AQR: variants seen among roughly 807,000 people sequenced by gnomAD.
AQR encodes the protein RNA helicase aquarius.
AQR carries 61 observed loss-of-function variants against 180.5 expected under a neutral mutation model. That is an observed-to-expected ratio of 0.34 (90% CI 0.28 to 0.42). The LOEUF (loss-of-function observed/expected upper bound fraction) is 0.42. Ranked by LOEUF, AQR falls within the 10% of genes least tolerant of loss-of-function variation. AQR has a pLI of 1.00. For synonymous variants in AQR, 551 were observed against 588.8 expected (o/e 0.94, Z 0.93); for missense variants, 1,281 against 1,798.3 (o/e 0.71, Z 5.20).
intron 1 of AQR, among the ~76,000 whole-genome samples, chr15:34,969,225 C>T (rs571539916): frequency 6.6e-6 from 1 of 152,260 alleles, no homozygotes; most frequent in African/African-American, 2.4e-5. Flanking sequence ...TGGGGTGTTC[C>T]CTCCTCTCTG....
chr15:34,875,861 T>A lies in AQR; in HGVS notation c.3237+74A>T. 3 of 1,196,818 alleles carry A rather than the reference T, an allele frequency of 2.5e-6. No homozygotes were observed. The South Asian group carries it at 3.8e-5, about 15-fold the overall frequency. The allele number at this position is 1,196,818 out of a possible 1,614,324, so 74.1% of individuals were successfully genotyped here. A position where few individuals can be genotyped will look rare whatever the true frequency, so the allele number is the denominator to read the frequency against. On this transcript the variant is annotated intron_variant, in intron 28 of 34. Transcript: ENST00000156471. ...ACTATGGCAATCAGCACACCCAAAC[T>A]GTACAACTTTCTGATGCTGTCCTCA...
At chr15:34,957,889 G>C (rs1416497362) in intron 3 of AQR, among the ~76,000 whole-genome samples, 1 of 151,936 alleles carries the variant, frequency 6.6e-6, no homozygotes, top group Admixed American at 6.6e-5. Flanking sequence ...CCATGCCAAA[G>C]ACAGCTACTT....
intron 15 of AQR, among the ~76,000 whole-genome samples, chr15:34,916,404 C>T (rs1270689027): frequency 6.6e-6 from 1 of 151,614 alleles, no homozygotes; most frequent in Admixed American, 6.6e-5. Flanking sequence ...ACACATTTTA[C>T]TGATAAGTCA....
intron 1 of AQR, among the ~76,000 whole-genome samples, chr15:34,968,928 T>C (rs934553805): frequency 1.3e-5 from 2 of 152,144 alleles, no homozygotes; most frequent in South Asian, 2.1e-4. Flanking sequence ...AATTCACAAA[T>C]AAATAATAAG....
intron 34 of AQR, 114 bp from the exon 35 acceptor site, chr15:34,857,220 C>G (rs992502496): frequency 4.4e-6 from 4 of 918,778 alleles, no homozygotes; most frequent in Non-Finnish European, 6.3e-6. Context: ...ATTTTATACT[C>G]CAGATGTAAC....
At chr15:34,959,598 C>A (rs1275041340) in intron 3 of AQR, among the ~76,000 whole-genome samples, 1 of 152,180 alleles carries the variant, frequency 6.6e-6, no homozygotes, top group Non-Finnish European at 1.5e-5. Context: ...CAATCCTACC[C>A]CCAACAACGT....
intron 9 of AQR, among the ~76,000 whole-genome samples, chr15:34,935,856 C>A (rs188579730): frequency 9.2e-5 from 14 of 152,266 alleles, no homozygotes; most frequent in Admixed American, 7.8e-4. Context: ...AAATTAAATC[C>A]ATTCGAACCA....
At chr15:34,941,069 A>G in intron 7 of AQR, 70 bp from the exon 8 acceptor site, 1 of 1,088,482 alleles carries the variant, frequency 9.2e-7, no homozygotes, top group African/African-American at 1.6e-5. Flanking sequence ...TAGATCAACT[A>G]TTTGCTAGTT....
At chr15:34,946,903 C>A (rs1267230271) in intron 5 of AQR, among the ~76,000 whole-genome samples, 46 of 142,212 alleles carry the variant, frequency 3.2e-4, no homozygotes, top group Middle Eastern at 8.5e-3. Flanking sequence ...GTCAGCCCCC[C>A]GTCCGGCCAG....
Position 34,910,319 on chromosome 15 carries a change from A to G in AQR, c.1485-6T>C, listed in dbSNP as rs1468735834. On this transcript the variant is annotated splice_polypyrimidine_tract_variant and splice_region_variant and intron_variant, in intron 16 of 34. Transcript: ENST00000156471. ...CACCGCCATATTCAGATTGCCTGAA[A>G]CCAAAGAAATGGATGATTACTCAAA... The G allele has an allele frequency of 2.5e-6, 4 of 1,610,188 alleles. No homozygotes were observed. Among genetic ancestry groups the G allele is most frequent in the Non-Finnish European group, 3.4e-6 (4 of 1,177,104 alleles).
intron 10 of AQR, among the ~76,000 whole-genome samples, chr15:34,934,059 G>A (rs975215371): frequency 6.6e-5 from 10 of 151,992 alleles, no homozygotes; most frequent in South Asian, 2.1e-4. Flanking sequence ...CCTGGGAGGC[G>A]GAGGCTGCAG....
intron 33 of AQR, among the ~76,000 whole-genome samples, chr15:34,860,425 C>CT (rs1892653462): frequency 6.6e-6 from 1 of 151,352 alleles, no homozygotes; most frequent in African/African-American, 2.4e-5. Flanking sequence ...AAAAAAAAGA[C>CT]TTCATGAAGA....
intron 4 of AQR, among the ~76,000 whole-genome samples, chr15:34,949,972 T>TAA (rs374857238): frequency 0.042 from 5,494 of 131,332 alleles, 142 homozygotes; most frequent in African/African-American, 0.076. Flanking sequence ...TCTCCAAAAC[T>TAA]AAAAAAAAAA....
chr15:34,889,319 T>A (rs990273515), intron 24 of AQR, among the ~76,000 whole-genome samples: 6 of 152,226 alleles, frequency 3.9e-5, no homozygotes, highest in African/African-American at 1.2e-4. Flanking sequence ...AGCTCTATAA[T>A]ACAAGAACTC....
intron 5 of AQR, 80 bp downstream of exon 5, chr15:34,948,184 A>T (rs757839860): frequency 2.0e-4 from 298 of 1,498,754 alleles, no homozygotes; most frequent in Non-Finnish European, 2.6e-4. Flanking sequence ...TAAAAGCACC[A>T]CTATCAGTAA....
chr15:34,961,252 A>G (rs148768475), intron 2 of AQR, among the ~76,000 whole-genome samples: 38 of 152,310 alleles, frequency 2.5e-4, no homozygotes, highest in African/African-American at 8.7e-4. Flanking sequence ...ATCCAAATGA[A>G]TATGATAGAG....
At chr15:34,921,703 T>C (rs899776017) in intron 13 of AQR, among the ~76,000 whole-genome samples, 7 of 152,188 alleles carry the variant, frequency 4.6e-5, no homozygotes, top group Admixed American at 4.6e-4. Flanking sequence ...TGCTAATTTA[T>C]AGCAAATCCT....
At chr15:34,951,241 C>A (rs1894226369) in intron 4 of AQR, among the ~76,000 whole-genome samples, 1 of 152,154 alleles carries the variant, frequency 6.6e-6, no homozygotes, top group African/African-American at 2.4e-5. Flanking sequence ...TCCAGTTTAG[C>A]AAGAAACCAT....
intron 1 of AQR, chr15:34,964,601 C>A: frequency 2.4e-6 from 1 of 419,412 alleles, no homozygotes; most frequent in Non-Finnish European, 4.5e-6. Flanking sequence ...TTCAGCATGG[C>A]AATAAGGAAA....
Sources: allele counts gnomAD v4.1 joint callset (sites outside exome capture counted in the v4.1 genomes callset), GRCh38; gene constraint gnomAD v4.1.1; transcripts MANE v1.5; gene names NCBI Gene and HGNC (gene_info 2026-07-23, HGNC 2026-07-21).